Variants in KLHL1 observed in about 807,000 individuals in gnomAD.
KLHL1 encodes the protein kelch like family member 1, also known as kelch-like protein 1.
In KLHL1, 47 loss-of-function variants were observed where a neutral mutation model predicts 77.7. That is an observed-to-expected ratio of 0.60 (90% CI 0.48 to 0.77). The LOEUF (loss-of-function observed/expected upper bound fraction) is 0.77. Ranked by LOEUF, KLHL1 falls within the 30% of genes least tolerant of loss-of-function variation. KLHL1 has a pLI of 0.00. For missense variants in KLHL1, 925 were observed against 910.8 expected (o/e 1.02, Z -0.20); for synonymous variants, 360 against 325.2 (o/e 1.11, Z -1.15).
At chr13:70,085,257 T>A in intron 1 of KLHL1, among the ~76,000 whole-genome samples, 1 of 151,672 alleles carries the variant, frequency 6.6e-6, no homozygotes, top group Non-Finnish European at 1.5e-5. Flanking sequence ...AGGAAAAGAG[T>A]TATTACACAA....
rs148930669 is a variant in KLHL1 at position 69,767,606 on chromosome 13, A to T, written c.1640-27050T>A. On this transcript the variant is annotated intron_variant, in intron 7 of 10. Transcript: ENST00000377844. ...ATCACTATATCCAATCCTTAAATTA[A>T]AATTAATTTTGCAGAATTTTAATAG... Among the ~76,000 whole-genome samples the T allele has an allele frequency of 6.6e-5, 10 of 152,316 alleles. No individual in the cohort carries two copies. In the East Asian group the frequency reaches 1.9e-3, roughly 29 times the overall value.
chr13:70,104,339 G>A (rs956383180), intron 1 of KLHL1, among the ~76,000 whole-genome samples: 1 of 152,088 alleles, frequency 6.6e-6, no homozygotes, highest in African/African-American at 2.4e-5. Flanking sequence ...TAAGAAAAAG[G>A]TTGGGTTTTG....
intron 1 of KLHL1, among the ~76,000 whole-genome samples, chr13:70,036,835 C>CTTTTTTTTTTTTTTTT (rs5804467): frequency 9.9e-5 from 5 of 50,692 alleles, no homozygotes; most frequent in Middle Eastern, 0.017. Context: ...ATGCCATGGT[C>CTTTTTTTTTTTTTTTT]TTTTTTTTTT....
intron 1 of KLHL1, among the ~76,000 whole-genome samples, chr13:70,020,240 G>GC (rs892200434): frequency 6.6e-6 from 1 of 152,048 alleles, no homozygotes; most frequent in African/African-American, 2.4e-5. Flanking sequence ...CATAAACTGA[G>GC]GTTGGAAACA....
chr13:69,999,448 C>T (rs1352577388), intron 1 of KLHL1, among the ~76,000 whole-genome samples: 2 of 151,970 alleles, frequency 1.3e-5, no homozygotes, highest in African/African-American at 4.8e-5. Flanking sequence ...ACATTTTTTG[C>T]TTAAAATTAT....
chr13:70,056,783 G>A (rs1886754558), intron 1 of KLHL1, among the ~76,000 whole-genome samples: 1 of 151,868 alleles, frequency 6.6e-6, no homozygotes, highest in African/African-American at 2.4e-5. Context: ...AAATGAAAAT[G>A]GAAACACAAT....
At chr13:70,047,465 A>G (rs1886531020) in intron 1 of KLHL1, among the ~76,000 whole-genome samples, 1 of 151,998 alleles carries the variant, frequency 6.6e-6, no homozygotes. Flanking sequence ...TTTGTCCCAT[A>G]TAGTAGAAAA....
intron 7 of KLHL1, among the ~76,000 whole-genome samples, chr13:69,789,138 A>C (rs997019621): frequency 1.3e-5 from 2 of 152,042 alleles, no homozygotes; most frequent in African/African-American, 4.8e-5. Flanking sequence ...CTAAATTTAA[A>C]ATACTTTAAT....
chr13:69,748,427 C>A (rs1874316868), intron 7 of KLHL1, among the ~76,000 whole-genome samples: 1 of 151,922 alleles, frequency 6.6e-6, no homozygotes, highest in Non-Finnish European at 1.5e-5. Flanking sequence ...AAGCGGAATC[C>A]CCTGATAAAA....
intron 4 of KLHL1, among the ~76,000 whole-genome samples, chr13:69,901,049 T>C (rs1881836309): frequency 6.6e-6 from 1 of 152,252 alleles, no homozygotes; most frequent in Non-Finnish European, 1.5e-5. Flanking sequence ...ATTTATCTAA[T>C]TATTACCATA....
chr13:69,996,735 G>A (rs958867112), intron 1 of KLHL1, among the ~76,000 whole-genome samples: 1 of 151,804 alleles, frequency 6.6e-6, no homozygotes, highest in African/African-American at 2.4e-5. Context: ...GTGATATTGC[G>A]ATTATTAAAT....
At chr13:70,099,585 C>G (rs1358620794) in intron 1 of KLHL1, among the ~76,000 whole-genome samples, 1 of 151,804 alleles carries the variant, frequency 6.6e-6, no homozygotes, top group African/African-American at 2.4e-5. Flanking sequence ...TGATTCAAGG[C>G]AAGTGAGATT....
chr13:69,703,377 GTGTT>G (rs1045980780), intron 10 of KLHL1, among the ~76,000 whole-genome samples: 2 of 151,272 alleles, frequency 1.3e-5, no homozygotes, highest in East Asian at 3.9e-4. Flanking sequence ...GCTGGACAAT[GTGTT>G]TGTGCTTTAA....
intron 5 of KLHL1, among the ~76,000 whole-genome samples, chr13:69,860,253 T>G (rs1399038097): frequency 1.3e-5 from 2 of 152,094 alleles, no homozygotes; most frequent in East Asian, 3.9e-4. Context: ...ATGAAAAATC[T>G]CAATGTTCAA....
chr13:70,031,444 G>A (rs1184821575), intron 1 of KLHL1, among the ~76,000 whole-genome samples: 1 of 152,176 alleles, frequency 6.6e-6, no homozygotes, highest in Non-Finnish European at 1.5e-5. Flanking sequence ...GAGGTTAACA[G>A]TTACTCAAAA....
At chr13:70,072,731 C>CA in intron 1 of KLHL1, among the ~76,000 whole-genome samples, 1 of 152,006 alleles carries the variant, frequency 6.6e-6, no homozygotes, top group East Asian at 1.9e-4. Context: ...AAGCATGTGA[C>CA]AAAATCTGTC....
intron 1 of KLHL1, among the ~76,000 whole-genome samples, chr13:70,072,245 C>A (rs994971847): frequency 2.0e-5 from 3 of 151,892 alleles, no homozygotes; most frequent in Non-Finnish European, 4.4e-5. Flanking sequence ...AAAACTCACC[C>A]AAGGAAAAAT....
chr13:69,954,400 A>G (rs1883804260), intron 3 of KLHL1, among the ~76,000 whole-genome samples: 1 of 151,358 alleles, frequency 6.6e-6, no homozygotes, highest in Non-Finnish European at 1.5e-5. Context: ...AAAAATGGTG[A>G]TTGAATTCAA....
At chr13:70,036,478 C>A (rs1886241393) in intron 1 of KLHL1, among the ~76,000 whole-genome samples, 1 of 151,864 alleles carries the variant, frequency 6.6e-6, no homozygotes, top group African/African-American at 2.4e-5. Context: ...GTTTTCCAAT[C>A]AATCAATGCT....
Sources: gnomAD v4.1 joint callset for allele counts (sites outside exome capture counted in the v4.1 genomes callset) on GRCh38, gnomAD v4.1.1 for gene constraint, MANE v1.5 for transcripts, NCBI Gene and HGNC (gene_info 2026-07-23, HGNC 2026-07-21) for gene names.